COG5: variants seen among roughly 807,000 people sequenced by gnomAD.
COG5 encodes conserved oligomeric Golgi complex subunit 5.
Under a neutral mutation model 110.4 loss-of-function variants are expected in COG5, and 86 were observed. That is an observed-to-expected ratio of 0.78 (90% CI 0.65 to 0.93). The LOEUF is 0.93. COG5 is among the 40% of genes least tolerant of loss of function. The probability of loss-of-function intolerance (pLI) is 0.00; values close to 1 mark genes in which losing one functional copy is unlikely to be tolerated. For missense variants in COG5, 1,077 were observed against 987.0 expected (o/e 1.09, Z -1.22); for synonymous variants, 360 against 334.6 (o/e 1.08, Z -0.83).
At chr7:107,500,840 T>C (rs1005767479) in intron 6 of COG5, among the ~76,000 whole-genome samples, 1 of 151,580 alleles carries the variant, frequency 6.6e-6, no homozygotes, top group Non-Finnish European at 1.5e-5. Context: ...ACTGAATATG[T>C]TTCTGAGAAG....
At chr7:107,372,938 T>A (rs553215196) in intron 7 of COG5, among the ~76,000 whole-genome samples, 178 bp from the exon 8 acceptor site, 2 of 100,912 alleles carry the variant, frequency 2.0e-5, no homozygotes, top group African/African-American at 6.5e-5. Flanking sequence ...ATTTTTAAAC[T>A]TTATTTCATA....
chr7:107,440,693 A>G (rs898605096), intron 6 of COG5, among the ~76,000 whole-genome samples: 3 of 152,150 alleles, frequency 2.0e-5, no homozygotes, highest in African/African-American at 7.2e-5. Context: ...TAATGATTTA[A>G]TCAATCATCG....
intron 6 of COG5, among the ~76,000 whole-genome samples, chr7:107,422,663 G>T (rs1335372237): frequency 6.6e-6 from 1 of 150,818 alleles, no homozygotes; most frequent in Non-Finnish European, 1.5e-5. Flanking sequence ...TAACATCTGT[G>T]TTCTCTAAGG....
At chr7:107,234,228 T>C (rs1279846218) in intron 18 of COG5, among the ~76,000 whole-genome samples, 2 of 152,128 alleles carry the variant, frequency 1.3e-5, no homozygotes, top group Admixed American at 6.5e-5. Context: ...GTAAATGCTG[T>C]GTGTGTAAAT....
chr7:107,561,960 C>T (rs1229551996), intron 1 of COG5, among the ~76,000 whole-genome samples: 3 of 150,632 alleles, frequency 2.0e-5, no homozygotes, highest in African/African-American at 7.3e-5. Context: ...TGGGCAACAG[C>T]GCGAGACTCC....
intron 6 of COG5, among the ~76,000 whole-genome samples, chr7:107,458,199 A>T (rs1046732077): frequency 6.6e-6 from 1 of 152,230 alleles, no homozygotes; most frequent in African/African-American, 2.4e-5. Flanking sequence ...AAACAGAAAG[A>T]ATTTGTTGCA....
At chr7:107,563,343 AT>A (rs1804080728) in intron 1 of COG5, 4 of 260,082 alleles carry the variant, frequency 1.5e-5, no homozygotes, top group Non-Finnish European at 3.1e-5. Context: ...TGTACAGTCC[AT>A]TTGTTAAAGG....
chr7:107,277,994 T>C (rs962703593), intron 14 of COG5, among the ~76,000 whole-genome samples: 12 of 152,212 alleles, frequency 7.9e-5, no homozygotes, highest in African/African-American at 2.9e-4. Context: ...AAAAACCTTT[T>C]ATAAGCCTTT....
chr7:107,339,267 A>G (rs1810981253), intron 10 of COG5, among the ~76,000 whole-genome samples: 1 of 152,112 alleles, frequency 6.6e-6, no homozygotes, highest in African/African-American at 2.4e-5. Flanking sequence ...ACAGTAAAAA[A>G]CGATAAAGAA....
At chr7:107,482,997 T>C (rs1309609442) in intron 6 of COG5, among the ~76,000 whole-genome samples, 6 of 152,226 alleles carry the variant, frequency 3.9e-5, no homozygotes, top group Admixed American at 3.9e-4. Context: ...TGAAAATACT[T>C]ACAAATTGTA....
At chr7:107,242,149 G>C (rs1415223687) in intron 17 of COG5, among the ~76,000 whole-genome samples, 1 of 152,192 alleles carries the variant, frequency 6.6e-6, no homozygotes, top group Non-Finnish European at 1.5e-5. Flanking sequence ...ATTAGAAGCA[G>C]CTAGTGTGCA....
At chr7:107,455,526 G>C (rs563954011) in intron 6 of COG5, among the ~76,000 whole-genome samples, 41 of 152,126 alleles carry the variant, frequency 2.7e-4, no homozygotes, top group African/African-American at 9.9e-4. Flanking sequence ...ATTTTTAAAA[G>C]GTCAAAAAAG....
chr7:107,394,386 T>G lies in COG5; in HGVS notation c.669+18116A>C, dbSNP rs1790840210. On this transcript the variant is annotated intron_variant, in intron 7 of 21. Transcript: ENST00000297135. ...ACAAAACCAAAATATTTCCCCTGCT[T>G]TAGAAATAATTATGATGTGATTTTT... 2.0e-5 allele frequency among the ~76,000 whole-genome samples: 3 copies of G among 152,298 alleles called. No individual in the cohort carries two copies. The South Asian group carries it at 6.2e-4, about 32-fold the overall frequency.
intron 16 of COG5, among the ~76,000 whole-genome samples, chr7:107,249,563 T>C (rs993067297): frequency 5.3e-5 from 8 of 152,182 alleles, no homozygotes; most frequent in East Asian, 1.9e-4. Flanking sequence ...ATAATGAAGA[T>C]AGATAGTTTT....
chr7:107,350,200 T>C (rs563232649), intron 10 of COG5, among the ~76,000 whole-genome samples: 15 of 152,336 alleles, frequency 9.8e-5, no homozygotes, highest in African/African-American at 2.4e-4. Context: ...TAAAACCTCA[T>C]TGGATCCTCC....
intron 17 of COG5, among the ~76,000 whole-genome samples, chr7:107,242,788 T>G (rs920055077): frequency 3.9e-5 from 6 of 152,162 alleles, no homozygotes; most frequent in Admixed American, 2.0e-4. Flanking sequence ...GCCCACAGCT[T>G]AGACCCTCCC....
chr7:107,312,914 G>T (rs892183192), intron 11 of COG5, among the ~76,000 whole-genome samples: 1 of 152,138 alleles, frequency 6.6e-6, no homozygotes, highest in African/African-American at 2.4e-5. Context: ...AGAAACTGAA[G>T]GAATCTCAAA....
At position 107,248,490 on chromosome 7, in the gene COG5, C is replaced by G; in HGVS notation, c.1759G>C (p.Ala587Pro). Residue 587 changes from alanine to proline, a missense_variant, in exon 17 of 22, where the codon GCT (alanine) becomes CCT (proline). Coordinates refer to ENST00000297135, the MANE Select transcript of COG5 (RefSeq NM_006348.5). ...TIISALKAIH[A>P]LMENAVQPLL... ...GGTTGCACAGCATTTTCCATAAGAG[C>G]ATGAATAGCCTAAAAAAAAAAAAGA... is the stretch of plus-strand genomic sequence containing the variant. The G allele has an allele frequency of 6.4e-7, 1 of 1,568,894 alleles. No individual in the cohort carries two copies. The highest frequency in any genetic ancestry group is 1.1e-5 in the South Asian group (1 of 89,070).
intron 14 of COG5, among the ~76,000 whole-genome samples, chr7:107,263,919 A>G (rs1803582242): frequency 6.6e-6 from 1 of 152,216 alleles, no homozygotes; most frequent in African/African-American, 2.4e-5. Context: ...AAGTAAAAGA[A>G]ATAAAACTGA....
Sources: gnomAD v4.1 joint callset for allele counts (sites outside exome capture counted in the v4.1 genomes callset) on GRCh38, gnomAD v4.1.1 for gene constraint, MANE v1.5 for transcripts, NCBI Gene and HGNC (gene_info 2026-07-23, HGNC 2026-07-21) for gene names.